DTHD1: variants seen among roughly 807,000 people sequenced by gnomAD.
The protein encoded by DTHD1 is death domain containing 1.
In DTHD1, 59 loss-of-function variants were observed where a neutral mutation model predicts 74.8. That is an observed-to-expected ratio of 0.79 (90% CI 0.64 to 0.98). The LOEUF (loss-of-function observed/expected upper bound fraction) is 0.98, where lower values mean the gene tolerates loss of function less well. Ranked by LOEUF, DTHD1 falls within the 50% of genes least tolerant of loss-of-function variation. DTHD1 has a pLI of 0.00. For missense variants in DTHD1, 1,051 were observed against 1,065.4 expected, an observed-to-expected ratio of 0.99 and a Z score of 0.19; for synonymous variants, 365 against 371.1, an observed-to-expected ratio of 0.98 and a Z score of 0.19.
chr4:36,333,984 A>G (rs1758852228), intron 8 of DTHD1: 1 of 152,208 alleles, frequency 6.6e-6, no homozygotes, highest in Non-Finnish European at 1.5e-5. Context: ...CTTAATAGAA[A>G]TCAATATTTT....
At chr4:36,335,058 T>C (rs1758930676) in intron 8 of DTHD1, among the ~76,000 whole-genome samples, 1 of 152,184 alleles carries the variant, frequency 6.6e-6, no homozygotes, top group South Asian at 2.1e-4. Flanking sequence ...AACAATATAA[T>C]ATTAAGTTGT....
At chr4:36,311,947 A>G (rs1398400675) in intron 7 of DTHD1, among the ~76,000 whole-genome samples, 1 of 152,168 alleles carries the variant, frequency 6.6e-6, no homozygotes, top group Non-Finnish European at 1.5e-5. Flanking sequence ...CTCTCTATTC[A>G]CTTATAGAGA....
chr4:36,313,559 A>G (rs1221179851), intron 7 of DTHD1, among the ~76,000 whole-genome samples: 2 of 152,202 alleles, frequency 1.3e-5, no homozygotes, highest in South Asian at 2.1e-4. Flanking sequence ...CCAAAATTAC[A>G]TAATGGTTTC....
chr4:36,343,764 C>T lies in DTHD1; in HGVS notation c.2661C>T (p.Phe887=), dbSNP rs1442078483. ...GRSDLAEELK[F]KWENKVFTEP... is the part of the protein sequence containing the mutation. ...GTGATCTTGCAGAAGAGCTCAAATT[C>T]AAGTGGGAAAATAAAGTGTTCACTG... is the stretch of plus-strand genomic sequence containing the variant. Residue 887 remains phenylalanine, a synonymous_variant, in exon 10 of 10, where the codon TTC becomes TTT. Transcript: ENST00000639862. 4 of 1,551,316 alleles carry T rather than the reference C, an allele frequency of 2.6e-6. No homozygotes were observed. In the African/African-American group the frequency reaches 5.5e-5, roughly 21 times the overall value.
chr4:36,300,938 A>G (rs1042861572), intron 5 of DTHD1, among the ~76,000 whole-genome samples: 3 of 152,210 alleles, frequency 2.0e-5, no homozygotes, highest in African/African-American at 7.2e-5. Context: ...TGTTTTCCTT[A>G]AGAAAATAAG....
At chr4:36,340,450 C>T (rs1759252827) in intron 9 of DTHD1, among the ~76,000 whole-genome samples, 1 of 152,046 alleles carries the variant, frequency 6.6e-6, no homozygotes, top group South Asian at 2.1e-4. Flanking sequence ...TTGAGATGCT[C>T]GGAGTTAGGA....
chr4:36,326,547 C>T (rs557632059), intron 8 of DTHD1, among the ~76,000 whole-genome samples: 128 of 152,322 alleles, frequency 8.4e-4, no homozygotes, highest in African/African-American at 2.9e-3. Context: ...ACACTCCTAA[C>T]ATTATACTCT....
At chr4:36,294,087 A>G (rs1756249650) in intron 4 of DTHD1, among the ~76,000 whole-genome samples, 1 of 151,980 alleles carries the variant, frequency 6.6e-6, no homozygotes, top group African/African-American at 2.4e-5. Flanking sequence ...ATCAATTAAA[A>G]TATTTATTAT....
At position 36,343,786 on chromosome 4, in the gene DTHD1, A is replaced by C. The variant is rs778730054; in HGVS notation, c.2683A>C (p.Thr895Pro). Residue 895 changes from threonine (T) to proline (P), a missense_variant, in exon 10 of 10, where the codon ACT (threonine) becomes CCT (proline). Physicochemically the swap from Thr to Pro is conservative, Grantham distance 38 (BLOSUM62 -1). Transcript: ENST00000639862. ...ATTCAAGTGGGAAAATAAAGTGTTC[A>C]CTGAACCACAGCAGTGTTTTGATGT... is the stretch of plus-strand genomic sequence containing the variant. Reference protein sequence around the residue: ...LKFKWENKVFTEPQQCFDVAP... With the variant: ...LKFKWENKVFPEPQQCFDVAP... 57 of 1,551,042 alleles carry C rather than the reference A, an allele frequency of 3.7e-5. No homozygotes were observed. In the African/African-American group the frequency reaches 6.6e-4, roughly 18 times the overall value.
intron 5 of DTHD1, among the ~76,000 whole-genome samples, chr4:36,304,631 A>C (rs182519197): frequency 6.6e-5 from 10 of 152,212 alleles, no homozygotes; most frequent in Non-Finnish European, 1.2e-4. Flanking sequence ...CTCTTTGTGG[A>C]GTGTAGGTAG....
At chr4:36,296,522 G>A (rs142491215) in intron 5 of DTHD1, among the ~76,000 whole-genome samples, 9 of 152,204 alleles carry the variant, frequency 5.9e-5, no homozygotes, top group Admixed American at 2.0e-4. Context: ...GGTGATATGT[G>A]TCTACTTTTA....
At chr4:36,310,513 G>A (rs1235460636) in intron 7 of DTHD1, among the ~76,000 whole-genome samples, 1 of 152,144 alleles carries the variant, frequency 6.6e-6, no homozygotes, top group Non-Finnish European at 1.5e-5. Flanking sequence ...TTCCGGACAG[G>A]TTTTATGAAG....
chr4:36,326,990 G>A (rs891162486), intron 8 of DTHD1, among the ~76,000 whole-genome samples: 11 of 149,672 alleles, frequency 7.3e-5, no homozygotes, highest in East Asian at 2.0e-4. Flanking sequence ...TTCTTCAGAC[G>A]GAGTCTCGCT....
At chr4:36,336,496 G>T (rs1281188679) in intron 8 of DTHD1, among the ~76,000 whole-genome samples, 1 of 152,202 alleles carries the variant, frequency 6.6e-6, no homozygotes, top group African/African-American at 2.4e-5. Flanking sequence ...GGTGTGGAAA[G>T]CACGCAGGAG....
At chr4:36,318,701 G>A (rs1239968615) in intron 8 of DTHD1, among the ~76,000 whole-genome samples, 2 of 135,086 alleles carry the variant, frequency 1.5e-5, no homozygotes, top group African/African-American at 2.8e-5. Flanking sequence ...TGCAAGCTCC[G>A]CCTCCTGGGT....
At chr4:36,340,168 G>A (rs948452256) in intron 9 of DTHD1, among the ~76,000 whole-genome samples, 1 of 152,206 alleles carries the variant, frequency 6.6e-6, no homozygotes, top group Admixed American at 6.5e-5. Context: ...CAGAACTGCT[G>A]TAGGAAGGGT....
chr4:36,300,650 G>GTTA (rs1756708960), intron 5 of DTHD1, among the ~76,000 whole-genome samples: 2 of 152,232 alleles, frequency 1.3e-5, no homozygotes, highest in South Asian at 4.2e-4. Flanking sequence ...TTCTAAATTT[G>GTTA]TTATTTATAA....
chr4:36,342,964 T>C (rs1759404409), intron 9 of DTHD1, among the ~76,000 whole-genome samples: 2 of 148,858 alleles, frequency 1.3e-5, no homozygotes, highest in African/African-American at 4.9e-5. Flanking sequence ...GGCTTGTGCC[T>C]GTAATCCCAG....
At position 36,344,970 on chromosome 4, in the gene DTHD1, A is replaced by C. The variant is rs1759515870; in HGVS notation, c.*1146A>C. Reference sequence around the variant, plus strand: ...CGAAATAAATTAAAAATAGAATAACACTTCAGCCATTTACTGGCACAGACT... The same window carrying C: ...CGAAATAAATTAAAAATAGAATAACCCTTCAGCCATTTACTGGCACAGACT... On this transcript the variant is annotated 3_prime_UTR_variant, in exon 10 of 10. Transcript: ENST00000639862. The C allele has an allele frequency of 6.6e-6, 1 of 152,162 alleles. No homozygotes were observed. The highest frequency in any genetic ancestry group is 2.4e-5 in the African/African-American group (1 of 41,440). 9.4% of individuals were successfully genotyped at this position (152,162 alleles called of 1,614,324 possible). A position where few individuals can be genotyped will look rare whatever the true frequency, so the allele number is the denominator to read the frequency against.
Sources: allele counts gnomAD v4.1 joint callset (sites outside exome capture counted in the v4.1 genomes callset), GRCh38; gene constraint gnomAD v4.1.1; transcripts MANE v1.5; gene names NCBI Gene and HGNC (gene_info 2026-07-23, HGNC 2026-07-21).